Variants in EIF4G3 observed in about 807,000 individuals in gnomAD.
EIF4G3 encodes the protein eIF-4-gamma 3.
A neutral mutation model predicts 186.4 loss-of-function variants in EIF4G3; 34 were observed. The ratio of observed to expected loss-of-function variants is 0.18; its 90% CI spans 0.14 to 0.24. The LOEUF (loss-of-function observed/expected upper bound fraction) is 0.24. EIF4G3 is among the 10% of genes least tolerant of loss of function. EIF4G3 has a pLI of 1.00. For synonymous variants in EIF4G3, 673 were observed against 679.5 expected (o/e 0.99, Z 0.15); for missense variants, 1,536 against 1,948.5 (o/e 0.79, Z 3.99).
chr1:20,890,119 T>C (rs1433377861), intron 18 of EIF4G3, among the ~76,000 whole-genome samples: 1 of 151,920 alleles, frequency 6.6e-6, no homozygotes, highest in East Asian at 2.0e-4. Context: ...ATTACAGACA[T>C]GTACCACCAC....
At chr1:20,811,691 GGTAA>G (rs893597772) in intron 35 of EIF4G3, among the ~76,000 whole-genome samples, 7 of 152,210 alleles carry the variant, frequency 4.6e-5, no homozygotes, top group African/African-American at 1.2e-4. Context: ...CATAAAAAAA[GGTAA>G]GTGAGGTGAT....
intron 29 of EIF4G3, among the ~76,000 whole-genome samples, chr1:20,845,619 G>A (rs557445793): frequency 3.3e-5 from 5 of 151,946 alleles, no homozygotes; most frequent in African/African-American, 4.8e-5. Flanking sequence ...CCGAGATCGC[G>A]CCACTGCACT....
intron 29 of EIF4G3, among the ~76,000 whole-genome samples, chr1:20,846,256 C>T (rs187773496): frequency 6.6e-6 from 1 of 152,278 alleles, no homozygotes; most frequent in Admixed American, 6.5e-5. Flanking sequence ...GACTTCCTCT[C>T]TTCCTATCTG....
At chr1:21,048,582 C>T (rs1236429971) in intron 4 of EIF4G3, among the ~76,000 whole-genome samples, 1 of 152,132 alleles carries the variant, frequency 6.6e-6, no homozygotes, top group Non-Finnish European at 1.5e-5. Context: ...TGCTTCAGTG[C>T]ACAGCAAGCA....
chr1:21,101,952 T>C (rs1291600126), intron 2 of EIF4G3, among the ~76,000 whole-genome samples: 2 of 152,038 alleles, frequency 1.3e-5, no homozygotes, highest in Admixed American at 6.6e-5. Context: ...TTATAAGTTA[T>C]ATACAAAAAA....
chr1:20,903,456 A>G (rs1181830573), intron 15 of EIF4G3, among the ~76,000 whole-genome samples: 1 of 152,236 alleles, frequency 6.6e-6, no homozygotes, highest in Non-Finnish European at 1.5e-5. Flanking sequence ...GAATCTAAAA[A>G]GAAAGAAGTT....
Position 20,807,384 on chromosome 1 carries a change from G to A in EIF4G3, c.4861C>T (p.Leu1621=). The change falls in exon 37 of 37, where the codon CTG becomes TTG. Residue 1621 remains leucine (L), a synonymous_variant. Coordinates refer to ENST00000602326, the MANE Select transcript of EIF4G3 (RefSeq NM_001391906.1). ...GTGAAGAATGCCGTGACAGATTTCAGAGCCACGCCCTTCCCATTCTGCTCT... is the reference window on the plus strand; with the variant it reads ...GTGAAGAATGCCGTGACAGATTTCAAAGCCACGCCCTTCCCATTCTGCTCT... ...PAEQNGKGVA[L]KSVTAFFTWL... is the part of the protein sequence containing the mutation. The A allele has an allele frequency of 1.9e-6, 3 of 1,611,156 alleles. No homozygotes were observed. The highest frequency in any genetic ancestry group is 2.5e-6 in the Non-Finnish European group (3 of 1,177,992).
In EIF4G3 at chr1:21,002,770, C is replaced by T. The variant is rs981751796; in HGVS notation, c.-28G>A. On this transcript the variant is annotated 5_prime_UTR_variant, in exon 5 of 37. Coordinates refer to ENST00000602326, the MANE Select transcript of EIF4G3 (RefSeq NM_001391906.1). ...TCTGAGGGGTTTGAGGGTATACCAG[C>T]GTGGTTGGACCTGCATTCTGTCCAG... 8 of 1,613,454 alleles carry T rather than the reference C, an allele frequency of 5.0e-6. No individual in the cohort carries two copies. The highest frequency in any genetic ancestry group is 1.1e-5 in the South Asian group (1 of 91,020).
intron 3 of EIF4G3, among the ~76,000 whole-genome samples, chr1:21,084,508 T>C (rs2095896410): frequency 6.6e-6 from 1 of 152,130 alleles, no homozygotes; most frequent in South Asian, 2.1e-4. Flanking sequence ...TCCCCTGACT[T>C]GTTGGGGATT....
intron 2 of EIF4G3, among the ~76,000 whole-genome samples, chr1:21,116,623 G>GGGTC (rs1300731484): frequency 6.6e-6 from 1 of 151,852 alleles, no homozygotes; most frequent in Non-Finnish European, 1.5e-5. Context: ...GCGGATCACA[G>GGGTC]GGTCAGGAGT....
In EIF4G3 at chr1:21,147,919, G is replaced by A. The variant is rs143265508; in HGVS notation, c.-272+28256C>T. ...AATTTAAAAATGTAGCAGGCACTAGGGTACACTGCAGGTAAAGTGAAAATT... is the reference window on the plus strand; with the variant it reads ...AATTTAAAAATGTAGCAGGCACTAGAGTACACTGCAGGTAAAGTGAAAATT... On this transcript the variant is annotated intron_variant, in intron 2 of 36. Coordinates refer to ENST00000602326, the MANE Select transcript of EIF4G3 (RefSeq NM_001391906.1). Among the ~76,000 whole-genome samples the A allele has an allele frequency of 1.6e-3, 242 of 152,124 alleles. 1 individual carries two copies. Among genetic ancestry groups the A allele is most frequent in the African/African-American group, 5.4e-3 (225 of 41,488 alleles).
intron 2 of EIF4G3, among the ~76,000 whole-genome samples, chr1:21,171,897 T>C (rs751379013): frequency 5.9e-5 from 9 of 152,136 alleles, no homozygotes; most frequent in Admixed American, 1.3e-4. Flanking sequence ...AATCTACTTC[T>C]ATTTTAAGAC....
chr1:20,822,671 G>A (rs567760176), intron 33 of EIF4G3, among the ~76,000 whole-genome samples: 1 of 147,126 alleles, frequency 6.8e-6, no homozygotes, highest in East Asian at 2.0e-4. Flanking sequence ...CAATCTTCCT[G>A]CCTTGGCCTC....
intron 4 of EIF4G3, among the ~76,000 whole-genome samples, chr1:21,004,805 A>G (rs529088620): frequency 5.9e-5 from 9 of 152,068 alleles, no homozygotes; most frequent in Non-Finnish European, 1.3e-4. Context: ...CTTTTTTTTA[A>G]TGAGTTATAA....
chr1:21,087,335 T>C (rs2096019448), intron 3 of EIF4G3, among the ~76,000 whole-genome samples: 2 of 152,190 alleles, frequency 1.3e-5, no homozygotes, highest in African/African-American at 4.8e-5. Flanking sequence ...AAATTTTCTT[T>C]CATATGGCTG....
intron 3 of EIF4G3, among the ~76,000 whole-genome samples, chr1:21,052,582 C>T (rs2094290294): frequency 6.6e-6 from 1 of 151,884 alleles, no homozygotes; most frequent in Admixed American, 6.6e-5. Context: ...TCTCCCTCTC[C>T]CCACGGTCTC....
intron 17 of EIF4G3, among the ~76,000 whole-genome samples, chr1:20,895,063 G>C (rs938619578): frequency 5.3e-5 from 8 of 151,744 alleles, no homozygotes; most frequent in Non-Finnish European, 1.2e-4. Flanking sequence ...TATCAATTTA[G>C]CCATGTTTCC....
chr1:20,930,352 C>T (rs999355023), intron 14 of EIF4G3, among the ~76,000 whole-genome samples: 1 of 152,180 alleles, frequency 6.6e-6, no homozygotes, highest in East Asian at 1.9e-4. Context: ...TTTACCCAAT[C>T]CTCTCATACC....
At chr1:21,000,223 A>T (rs1252897906) in intron 6 of EIF4G3, among the ~76,000 whole-genome samples, 2 of 151,998 alleles carry the variant, frequency 1.3e-5, no homozygotes, top group African/African-American at 2.4e-5. Flanking sequence ...TTTAAAAAAG[A>T]TTTTCTTTCC....
Sources: gnomAD v4.1 joint callset for allele counts (sites outside exome capture counted in the v4.1 genomes callset) on GRCh38, gnomAD v4.1.1 for gene constraint, MANE v1.5 for transcripts, NCBI Gene and HGNC (gene_info 2026-07-23, HGNC 2026-07-21) for gene names.